Variants in TYR observed in about 807,000 individuals in gnomAD.
TYR encodes tyrosinase, also known as LB24-AB.
A neutral mutation model predicts 51.5 loss-of-function variants in TYR; 58 were observed. The observed-to-expected ratio is 1.13, with a 90% confidence interval of 0.91 to 1.40. TYR has a LOEUF of 1.40. TYR is among the 40% of genes most tolerant of loss of function. TYR has a pLI of 0.00. For synonymous variants in TYR, 263 were observed against 235.2 expected (o/e 1.12, Z -1.08); for missense variants, 732 against 647.4 (o/e 1.13, Z -1.42).
chr11:89,253,619 C>G (rs1470750814), intron 3 of TYR, among the ~76,000 whole-genome samples: 1 of 151,660 alleles, frequency 6.6e-6, no homozygotes, highest in Non-Finnish European at 1.5e-5. Context: ...TGATTTGATT[C>G]TCAGCTTGGT....
intron 3 of TYR, among the ~76,000 whole-genome samples, chr11:89,243,660 A>G (rs779270882): frequency 3.9e-5 from 6 of 152,222 alleles, no homozygotes; most frequent in Non-Finnish European, 5.9e-5. Context: ...CACAATGTTT[A>G]ATCGAATTAA....
In TYR at chr11:89,178,048, A is replaced by G. The variant is rs1179262280; in HGVS notation, c.95A>G (p.Glu32Gly). The G allele has an allele frequency of 1.2e-6, 2 of 1,614,032 alleles. No individual in the cohort carries two copies. The highest frequency in any genetic ancestry group is 2.7e-5 in the African/African-American group (2 of 74,908). ...RACVSSKNLM[E>G]KECCPPWSGD... is the part of the protein sequence containing the mutation. ...TGTGTCTCCTCTAAGAACCTGATGGAGAAGGAATGCTGTCCACCGTGGAGC... is the reference window on the plus strand; with the variant it reads ...TGTGTCTCCTCTAAGAACCTGATGGGGAAGGAATGCTGTCCACCGTGGAGC... The change falls in exon 1 of 5, where the codon GAG (glutamate) becomes GGG (glycine). Residue 32 changes from glutamate to glycine, a missense_variant. Physicochemically the swap from Glu to Gly is moderately conservative, Grantham distance 98. Transcript: ENST00000263321.
intron 2 of TYR, among the ~76,000 whole-genome samples, chr11:89,198,824 A>G (rs1289804249): frequency 1.3e-5 from 2 of 151,754 alleles, no homozygotes; most frequent in Non-Finnish European, 2.9e-5. Context: ...TTTGTTACAT[A>G]TGTATACATG....
chr11:89,240,540 T>C (rs1169481817), intron 3 of TYR, among the ~76,000 whole-genome samples: 1 of 152,172 alleles, frequency 6.6e-6, no homozygotes, highest in Non-Finnish European at 1.5e-5. Flanking sequence ...TTATTATCTT[T>C]TAATGTTTTA....
At chr11:89,209,081 G>T (rs1216914564) in intron 2 of TYR, among the ~76,000 whole-genome samples, 1 of 152,250 alleles carries the variant, frequency 6.6e-6, no homozygotes, top group East Asian at 1.9e-4. Flanking sequence ...ATCTCATTGG[G>T]ACTGGTCGGA....
chr11:89,224,719 C>T (rs1943955485), intron 2 of TYR, among the ~76,000 whole-genome samples: 1 of 152,184 alleles, frequency 6.6e-6, no homozygotes, highest in African/African-American at 2.4e-5. Flanking sequence ...ATACAGTCTG[C>T]TCCCAGAATG....
chr11:89,249,695 G>A (rs1196631020), intron 3 of TYR, among the ~76,000 whole-genome samples: 5 of 152,006 alleles, frequency 3.3e-5, no homozygotes, highest in Non-Finnish European at 4.4e-5. Context: ...TTTTAAGTGG[G>A]AAGCAGGAAA....
intron 2 of TYR, among the ~76,000 whole-genome samples, chr11:89,222,648 A>G (rs1342136276): frequency 6.6e-6 from 1 of 152,130 alleles, no homozygotes; most frequent in Non-Finnish European, 1.5e-5. Context: ...CTGAGGCAGG[A>G]GAATCACTTG....
intron 1 of TYR, among the ~76,000 whole-genome samples, chr11:89,182,560 T>C (rs912826483): frequency 6.6e-6 from 1 of 152,178 alleles, no homozygotes; most frequent in African/African-American, 2.4e-5. Flanking sequence ...GAAGTTAATA[T>C]TTATTGGTCA....
At chr11:89,198,711 T>C (rs557546702) in intron 2 of TYR, among the ~76,000 whole-genome samples, 1 of 151,844 alleles carries the variant, frequency 6.6e-6, no homozygotes, top group African/African-American at 2.4e-5. Context: ...CCTTACATTA[T>C]AAGCTCATTC....
chr11:89,183,833 T>C (rs1228638874), intron 1 of TYR, among the ~76,000 whole-genome samples: 2 of 152,158 alleles, frequency 1.3e-5, no homozygotes, highest in Non-Finnish European at 2.9e-5. Flanking sequence ...ACCTGCCCAA[T>C]GGTCTTGTTT....
chr11:89,267,334 A>T (rs1260960288), intron 3 of TYR, among the ~76,000 whole-genome samples: 1 of 151,948 alleles, frequency 6.6e-6, no homozygotes. Flanking sequence ...CATCAGATAC[A>T]CGTTCTTGGT....
At chr11:89,280,856 G>C (rs1185824826) in intron 3 of TYR, among the ~76,000 whole-genome samples, 2 of 151,610 alleles carry the variant, frequency 1.3e-5, no homozygotes, top group Non-Finnish European at 3.0e-5. Context: ...GTTTGTCCTA[G>C]TTGTTACAGT....
chr11:89,270,212 T>G (rs1944572484), intron 3 of TYR, among the ~76,000 whole-genome samples: 2 of 152,004 alleles, frequency 1.3e-5, no homozygotes, highest in Middle Eastern at 3.4e-3. Flanking sequence ...CGTAATTCTT[T>G]TCCTTCATGC....
intron 3 of TYR, among the ~76,000 whole-genome samples, chr11:89,240,152 G>C (rs906341734): frequency 6.6e-6 from 1 of 151,978 alleles, no homozygotes; most frequent in African/African-American, 2.4e-5. Context: ...CTTAATACCT[G>C]GTTGATGGGT....
chr11:89,256,459 TTGTGTATATGTGTGTGTGTGTG>T (rs1944392351), intron 3 of TYR, among the ~76,000 whole-genome samples: 1 of 124,830 alleles, frequency 8.0e-6, no homozygotes, highest in Non-Finnish European at 1.6e-5. Flanking sequence ...GTGTGTGTAC[TTGTGTATATGTGTGTGTGTGTG>T]TGTGTATATG....
At chr11:89,252,927 T>C (rs987437934) in intron 3 of TYR, among the ~76,000 whole-genome samples, 1 of 151,654 alleles carries the variant, frequency 6.6e-6, no homozygotes, top group African/African-American at 2.4e-5. Flanking sequence ...ATAAATAGAG[T>C]ATTTTGAAAA....
chr11:89,191,372 T>C lies in TYR; in HGVS notation c.990T>C (p.Gly330=). The part of the protein sequence containing the change: ...FCLSLTQYES[G]SMDKAANFSF... ...TGAGTTTGACCCAATATGAATCTGGTTCCATGGATAAAGCTGCCAATTTCA... is the reference window on the plus strand; with the variant it reads ...TGAGTTTGACCCAATATGAATCTGGCTCCATGGATAAAGCTGCCAATTTCA... Residue 330 remains glycine (G), a synonymous_variant, in exon 2 of 5, where the codon GGT becomes GGC. Transcript: ENST00000263321. 1.2e-6 allele frequency: 2 copies of C among 1,613,744 alleles called. No individual in the cohort carries two copies. Among genetic ancestry groups the C allele is most frequent in the Non-Finnish European group, 1.7e-6 (2 of 1,179,754 alleles).
chr11:89,290,496 A>G (rs1944842331), intron 4 of TYR, among the ~76,000 whole-genome samples: 1 of 152,034 alleles, frequency 6.6e-6, no homozygotes, highest in Non-Finnish European at 1.5e-5. Context: ...GGACATTTTA[A>G]ATGTACTATG....
Sources: gnomAD v4.1 joint callset for allele counts (sites outside exome capture counted in the v4.1 genomes callset) on GRCh38, gnomAD v4.1.1 for gene constraint, MANE v1.5 for transcripts, NCBI Gene and HGNC (gene_info 2026-07-23, HGNC 2026-07-21) for gene names.